TOX2: variants seen among roughly 807,000 people sequenced by gnomAD.
TOX2 encodes TOX high mobility group box family member 2.
Under a neutral mutation model 47.4 loss-of-function variants are expected in TOX2, and 15 were observed. The observed-to-expected ratio is 0.32, with a 90% CI of 0.21 to 0.49. The LOEUF is 0.49. TOX2 is among the 20% of genes least tolerant of loss of function. The pLI is 0.99. For missense variants in TOX2, 622 were observed against 673.1 expected (o/e 0.92, Z 0.84); for synonymous variants, 290 against 296.6 (o/e 0.98, Z 0.23).
intron 1 of TOX2, among the ~76,000 whole-genome samples, chr20:43,936,840 ACGG>A (rs2069332369): frequency 6.6e-6 from 1 of 152,178 alleles, no homozygotes; most frequent in African/African-American, 2.4e-5. Context: ...TGGCAGCCTC[ACGG>A]TGCCAAGGGC....
intron 5 of TOX2, among the ~76,000 whole-genome samples, chr20:44,062,229 A>G (rs1187707346): frequency 6.6e-6 from 1 of 152,146 alleles, no homozygotes; most frequent in Non-Finnish European, 1.5e-5. Flanking sequence ...AGACTCATCC[A>G]AAAAGCTCCT....
At chr20:43,960,386 T>C (rs2069737660) in intron 1 of TOX2, among the ~76,000 whole-genome samples, 1 of 152,174 alleles carries the variant, frequency 6.6e-6, no homozygotes, top group Non-Finnish European at 1.5e-5. Context: ...ACTCACCCCC[T>C]GGGCATCCTG....
intron 1 of TOX2, among the ~76,000 whole-genome samples, chr20:43,958,649 G>C (rs929190528): frequency 1.1e-4 from 17 of 152,232 alleles, no homozygotes; most frequent in African/African-American, 3.4e-4. Context: ...GTACATTGTA[G>C]GTGCTGAGGT....
intron 1 of TOX2, among the ~76,000 whole-genome samples, chr20:43,951,572 C>T (rs2069567216): frequency 6.6e-6 from 1 of 151,816 alleles, no homozygotes; most frequent in African/African-American, 2.4e-5. Flanking sequence ...AATGAAACTC[C>T]ACCTCAAAAC....
intron 3 of TOX2, among the ~76,000 whole-genome samples, chr20:44,029,786 G>A (rs1336051148): frequency 2.0e-5 from 3 of 152,114 alleles, no homozygotes; most frequent in Non-Finnish European, 4.4e-5. Flanking sequence ...CCAAAAGGGG[G>A]TCATTGACTC....
intron 1 of TOX2, among the ~76,000 whole-genome samples, chr20:43,967,796 TTATC>T (rs145468480): frequency 0.019 from 2,890 of 152,318 alleles, 48 homozygotes; most frequent in Non-Finnish European, 0.023. Flanking sequence ...TATATTTTAT[TTATC>T]TGTTAATATT....
At chr20:43,975,582 C>T (rs1323600482) in intron 2 of TOX2, among the ~76,000 whole-genome samples, 1 of 152,132 alleles carries the variant, frequency 6.6e-6, no homozygotes, top group Non-Finnish European at 1.5e-5. Flanking sequence ...TTGCCTTGTC[C>T]ACTGACTTGC....
intron 5 of TOX2, among the ~76,000 whole-genome samples, chr20:44,062,400 A>AAATAAATAAATG (rs2071736507): frequency 1.5e-5 from 2 of 136,756 alleles, no homozygotes; most frequent in Non-Finnish European, 3.1e-5. Flanking sequence ...ATAAATAAAT[A>AAATAAATAAATG]AATAAATGAA....
At chr20:43,973,609 A>G (rs1253096182) in intron 2 of TOX2, among the ~76,000 whole-genome samples, 177 bp downstream of exon 2, 2 of 152,230 alleles carry the variant, frequency 1.3e-5, no homozygotes, top group African/African-American at 4.8e-5. Flanking sequence ...AAGTGGGACT[A>G]TAGTGTTCGT....
chr20:44,028,698 G>T (rs1466242781), intron 3 of TOX2, among the ~76,000 whole-genome samples: 8 of 152,192 alleles, frequency 5.3e-5, no homozygotes, highest in African/African-American at 9.7e-5. Context: ...GGGGAGGAAA[G>T]GTTCCCTGCC....
At chr20:44,009,049 C>A (rs1202336666) in intron 3 of TOX2, among the ~76,000 whole-genome samples, 3 of 152,150 alleles carry the variant, frequency 2.0e-5, no homozygotes, top group Non-Finnish European at 4.4e-5. Context: ...AGGAGGAGGC[C>A]TGCTTAGTTG....
At chr20:43,989,757 G>A (rs1450701537) in intron 2 of TOX2, among the ~76,000 whole-genome samples, 1 of 150,030 alleles carries the variant, frequency 6.7e-6, no homozygotes, top group Non-Finnish European at 1.5e-5. Context: ...TCCAGCCTGG[G>A]CAACAGAGCA....
chr20:44,028,491 C>T (rs970609455), intron 3 of TOX2, among the ~76,000 whole-genome samples: 1 of 152,244 alleles, frequency 6.6e-6, no homozygotes, highest in South Asian at 2.1e-4. Flanking sequence ...TTCTCTGCTT[C>T]ATTCCATCAG....
rs111707700 is a variant in TOX2, at chr20:44,009,430, C to T, written c.411+2638C>T. On this transcript the variant is annotated intron_variant, in intron 3 of 8. Transcript: ENST00000341197. ...AAGAGTTCAATGAAAATGGATGCTC[C>T]GTTTCTCCAGAAATTTTTTCCTCGT... is the stretch of plus-strand genomic sequence containing the variant. Among the ~76,000 whole-genome samples the T allele has an allele frequency of 5.6e-3, 846 of 152,282 alleles. 6 individuals are homozygous for T. The highest frequency in any genetic ancestry group is 0.02 in the African/African-American group (813 of 41,538).
chr20:43,921,054 G>A (rs1043870007), intron 1 of TOX2, among the ~76,000 whole-genome samples: 1 of 152,210 alleles, frequency 6.6e-6, no homozygotes, highest in African/African-American at 2.4e-5. Context: ...TTTGGCTGTT[G>A]TCATCTGAAG....
chr20:44,051,531 G>C lies in TOX2; in HGVS notation c.637G>C (p.Glu213Gln). Reference protein sequence around the residue: ...PSSSTQEEESEVHFKISGEKR... With the variant: ...PSSSTQEEESQVHFKISGEKR... ...CAGCTCCACTCAGGAAGAGGAGTCG[G>C]AAGTGCATTTCAAGGTATGTGCGGT... Residue 213 changes from glutamate (E) to glutamine (Q), a missense_variant, in exon 4 of 9, where the codon GAA (glutamate) becomes CAA (glutamine). Physicochemically the swap from Glu to Gln is conservative, Grantham distance 29. Around this residue, in one of 3 missense-constraint regions of TOX2, gnomAD observed 307 missense variants for 327.3 expected, o/e 0.94. Coordinates refer to ENST00000341197, the MANE Select transcript of TOX2 (RefSeq NM_001098797.2). 6.3e-7 allele frequency: 1 copy of C among 1,597,730 alleles called. No homozygotes were observed. Among genetic ancestry groups the C allele is most frequent in the Non-Finnish European group, 8.6e-7 (1 of 1,169,380 alleles).
At position 44,067,648 on chromosome 20, in the gene TOX2, CT is replaced by C. The variant is rs373645865; in HGVS notation, c.1484+792del. 1.7e-4 allele frequency among the ~76,000 whole-genome samples: 26 copies of C among 152,244 alleles called. No homozygotes were observed. The East Asian group carries it at 4.8e-3, about 28-fold the overall frequency. On this transcript the variant is annotated intron_variant, in intron 8 of 8. Coordinates refer to ENST00000341197, the MANE Select transcript of TOX2 (RefSeq NM_001098797.2). ...CTCAGGCCTCTGTTCCTATCCTGCACTCCACCTTTCAAACCCATGCTAACAC... is the reference window on the plus strand; with the variant it reads ...CTCAGGCCTCTGTTCCTATCCTGCACCCACCTTTCAAACCCATGCTAACAC...
chr20:43,922,432 G>A (rs1219610184), intron 1 of TOX2, among the ~76,000 whole-genome samples: 1 of 152,140 alleles, frequency 6.6e-6, no homozygotes, highest in Admixed American at 6.5e-5. Context: ...GAAGATGGTG[G>A]TGAAGCGAAT....
At chr20:44,016,849 A>G (rs2070888188) in intron 3 of TOX2, among the ~76,000 whole-genome samples, 1 of 152,238 alleles carries the variant, frequency 6.6e-6, no homozygotes, top group Admixed American at 6.5e-5. Flanking sequence ...GCGTGCCTCA[A>G]CCATAAAATT....
Sources: gnomAD v4.1 joint callset for allele counts (sites outside exome capture counted in the v4.1 genomes callset) on GRCh38, gnomAD v4.1.1 for gene constraint, gnomAD v4.1.1 regional missense constraint, MANE v1.5 for transcripts, NCBI Gene and HGNC (gene_info 2026-07-23, HGNC 2026-07-21) for gene names.